The following KDM4B variants were observed in gnomAD, a reference collection of about 807,000 sequenced individuals.
KDM4B encodes lysine demethylase 4B, also known as lysine-specific demethylase 4B.
KDM4B carries 32 observed loss-of-function variants against 125.2 expected under a neutral mutation model. That is an observed-to-expected ratio of 0.26 (90% CI 0.19 to 0.34). The LOEUF is 0.34. Ranked by LOEUF, KDM4B falls within the 10% of genes least tolerant of loss-of-function variation. The pLI, the probability that KDM4B is intolerant of heterozygous loss-of-function variation, is 1.00. For missense variants in KDM4B, 1,190 were observed against 1,577.7 expected (o/e 0.75, Z 4.16); for synonymous variants, 721 against 677.9 (o/e 1.06, Z -0.99).
chr19:5,091,863 A>G (rs1026130148), intron 9 of KDM4B, among the ~76,000 whole-genome samples: 9 of 152,176 alleles, frequency 5.9e-5, no homozygotes, highest in Admixed American at 5.9e-4. Flanking sequence ...TTCCTGCCTC[A>G]GTGAGCCTCT....
intron 5 of KDM4B, 132 bp from the exon 6 acceptor site, chr19:5,047,344 G>A (rs1360896997): frequency 5.2e-6 from 4 of 767,018 alleles, no homozygotes; most frequent in South Asian, 1.8e-5. Context: ...CCCCTGGGGG[G>A]GCCGCAGATA....
At chr19:5,092,921 A>G (rs113315787) in intron 9 of KDM4B, among the ~76,000 whole-genome samples, 1 of 82,520 alleles carries the variant, frequency 1.2e-5, no homozygotes, top group Non-Finnish European at 2.5e-5. Context: ...AGGAGGGATC[A>G]GGGGAGGCCG....
At chr19:5,040,553 A>G (rs964836929) in intron 4 of KDM4B, among the ~76,000 whole-genome samples, 7 of 152,170 alleles carry the variant, frequency 4.6e-5, no homozygotes, top group African/African-American at 1.4e-4. Context: ...ATGGGCGCCT[A>G]CCCAGGTACA....
At position 5,133,920 on chromosome 19, in the gene KDM4B, C is replaced by T. The variant is rs2039602591; in HGVS notation, c.1944C>T (p.Asp648=). ...SPFSGEEDVS[D]PDALRPLLSL... ...TCTCCGGGGAGGAAGATGTGAGTGACCCGGACGCCTTGAGGCCGCTGCTGT... is the reference window on the plus strand; with the variant it reads ...TCTCCGGGGAGGAAGATGTGAGTGATCCGGACGCCTTGAGGCCGCTGCTGT... Residue 648 remains aspartate (D), a synonymous_variant, in exon 14 of 23, where the codon GAC becomes GAT. Coordinates refer to ENST00000159111, the MANE Select transcript of KDM4B (RefSeq NM_015015.3). 2.5e-6 allele frequency: 4 copies of T among 1,613,008 alleles called. No homozygotes were observed. The highest frequency in any genetic ancestry group is 1.7e-6 in the Non-Finnish European group (2 of 1,179,936).
At chr19:5,116,235 T>TAAAAAAAAAA (rs35940660) in intron 10 of KDM4B, among the ~76,000 whole-genome samples, 2 of 40,382 alleles carry the variant, frequency 5.0e-5, no homozygotes, top group Non-Finnish European at 4.8e-5. Context: ...ACCACATCTC[T>TAAAAAAAAAA]AAAAAAAAAA....
intron 10 of KDM4B, chr19:5,111,810 A>T (rs576729479): frequency 2.5e-5 from 19 of 765,080 alleles, no homozygotes; most frequent in East Asian, 1.9e-4. Context: ...TCGACTCCGC[A>T]TGGCAACTCA....
chr19:5,040,115 C>T (rs1052670107), intron 4 of KDM4B, 104 bp downstream of exon 4: 6 of 1,238,946 alleles, frequency 4.8e-6, no homozygotes, highest in Non-Finnish European at 6.6e-6. Context: ...GCCCCCACAG[C>T]ATGGCCGGCC....
chr19:5,116,598 C>T (rs924636564), intron 10 of KDM4B, among the ~76,000 whole-genome samples: 41 of 152,270 alleles, frequency 2.7e-4, no homozygotes, highest in African/African-American at 9.4e-4. Flanking sequence ...CCAAGACCCC[C>T]AGGGGTGTCA....
Position 5,010,351 on chromosome 19 carries a change from G to A in KDM4B, c.-108-5906G>A, listed in dbSNP as rs1051807489. On this transcript the variant is annotated intron_variant, in intron 1 of 22. Transcript: ENST00000159111. ...TCAGGAGGTGCGTGTGGCTGATGTG[G>A]CTGATGCGGCTCAGCGTGGTGGTGT... 3.3e-5 allele frequency among the ~76,000 whole-genome samples: 5 copies of A among 152,344 alleles called. 1 individual carries two copies. Among genetic ancestry groups the A allele is most frequent in the Non-Finnish European group, 7.3e-5 (5 of 68,036 alleles).
intron 3 of KDM4B, among the ~76,000 whole-genome samples, chr19:5,038,676 C>T (rs550771539): frequency 2.0e-5 from 3 of 152,344 alleles, no homozygotes; most frequent in African/African-American, 4.8e-5. Context: ...TCTGCTCACC[C>T]CAGGGTGCCC....
At chr19:5,059,338 C>A (rs138814740) in intron 6 of KDM4B, among the ~76,000 whole-genome samples, 1 of 152,200 alleles carries the variant, frequency 6.6e-6, no homozygotes, top group Non-Finnish European at 1.5e-5. Flanking sequence ...TGAAACGGGG[C>A]GGGCGCAGGA....
intron 6 of KDM4B, among the ~76,000 whole-genome samples, chr19:5,051,564 T>C (rs79816183): frequency 0.024 from 3,702 of 152,322 alleles, 120 homozygotes; most frequent in South Asian, 0.068. Context: ...CATGGTCAGC[T>C]GCTTGCACTG....
At chr19:5,038,782 C>G (rs1426137515) in intron 3 of KDM4B, among the ~76,000 whole-genome samples, 1 of 152,226 alleles carries the variant, frequency 6.6e-6, no homozygotes, top group Non-Finnish European at 1.5e-5. Flanking sequence ...TGCGCTGGGC[C>G]CCAGCACGCT....
chr19:5,077,833 G>T (rs746941495), intron 8 of KDM4B: 1 of 256,936 alleles, frequency 3.9e-6, no homozygotes, highest in South Asian at 5.5e-5. Context: ...AGGGCCCCTC[G>T]TCCCGTGCAA....
At chr19:5,089,499 G>T (rs1216487134) in intron 9 of KDM4B, among the ~76,000 whole-genome samples, 1 of 152,172 alleles carries the variant, frequency 6.6e-6, no homozygotes, top group Non-Finnish European at 1.5e-5. Flanking sequence ...GGCATGGAGA[G>T]ATGAGCGCGA....
At chr19:5,041,590 G>T (rs1355981329) in intron 5 of KDM4B, among the ~76,000 whole-genome samples, 1 of 152,192 alleles carries the variant, frequency 6.6e-6, no homozygotes, top group African/African-American at 2.4e-5. Context: ...GGAGCCTCGA[G>T]TCCTCAGCCC....
rs556421004 is a variant in KDM4B, at chr19:4,980,979, G to A, written c.-109+11749G>A. On this transcript the variant is annotated intron_variant, in intron 1 of 22. Coordinates refer to ENST00000159111, the MANE Select transcript of KDM4B (RefSeq NM_015015.3). The stretch of plus-strand genomic sequence containing the variant: ...GGCGGGGTCAGCTTGGCGGATGCTG[G>A]GCTGCGGCTAGGCTTTGAGGTGCAG... Among the ~76,000 whole-genome samples, 369 of 152,244 alleles carry A rather than the reference G, an allele frequency of 2.4e-3. 2 individuals are homozygous for A. The highest frequency in any genetic ancestry group is 4.1e-3 in the Non-Finnish European group (281 of 68,008).
chr19:5,019,473 T>TGC, intron 2 of KDM4B, among the ~76,000 whole-genome samples: 1 of 144,348 alleles, frequency 6.9e-6, no homozygotes, highest in East Asian at 2.2e-4. Context: ...GGTGTGGGTG[T>TGC]TGGTGTTGGT....
At chr19:5,136,011 C>G (rs992452375) in intron 15 of KDM4B, among the ~76,000 whole-genome samples, 1 of 152,266 alleles carries the variant, frequency 6.6e-6, no homozygotes, top group African/African-American at 2.4e-5. Context: ...GGCACCCCGT[C>G]TCTCCGCAGG....
Sources: gnomAD v4.1 joint callset for allele counts (sites outside exome capture counted in the v4.1 genomes callset) on GRCh38, gnomAD v4.1.1 for gene constraint, MANE v1.5 for transcripts, NCBI Gene and HGNC (gene_info 2026-07-23, HGNC 2026-07-21) for gene names.